The following HSPB1 variants were observed in gnomAD, a reference collection of about 807,000 sequenced individuals.
HSPB1 encodes the protein heat shock protein family B (small) member 1.
HSPB1 carries 19 observed loss-of-function variants against 17.0 expected under a neutral mutation model. That is an observed-to-expected ratio of 1.12 (90% CI 0.78 to 1.64). The LOEUF is 1.64. HSPB1 is among the 40% of genes most tolerant of loss of function. The pLI, the probability that HSPB1 is intolerant of heterozygous loss-of-function variation, is 0.00. For missense variants in HSPB1, 348 were observed against 289.2 expected, an observed-to-expected ratio of 1.20 and a Z score of -1.47; for synonymous variants, 165 against 129.8, an observed-to-expected ratio of 1.27 and a Z score of -1.84.
chr7:76,304,153 G>A lies in HSPB1; in HGVS notation c.598G>A (p.Asp200Asn), dbSNP rs147500292. The change falls in exon 3 of 3, where the codon GAT becomes AAT. Residue 200 changes from aspartate (D) to asparagine (N), a missense_variant. Physicochemically the swap from Asp to Asn is conservative, Grantham distance 23. Coordinates refer to ENST00000248553, the MANE Select transcript of HSPB1 (RefSeq NM_001540.5). ...QLGGPEAAKSDETAAK is the reference protein window; with the variant it reads ...QLGGPEAAKSNETAAK ...TGGGGGCCCAGAAGCTGCAAAATCC[G>A]ATGAGACTGCCGCCAAGTAAAGCCT... The A allele has an allele frequency of 1.4e-5, 22 of 1,611,398 alleles. No individual in the cohort carries two copies. The highest frequency in any genetic ancestry group is 1.7e-5 in the Non-Finnish European group (20 of 1,179,062).
At chr7:76,303,298 C>T in intron 1 of HSPB1, 3 of 573,950 alleles carry the variant, frequency 5.2e-6, no homozygotes, top group South Asian at 2.3e-5. Context: ...GAGGCCGAGA[C>T]GGGAGGATCG....
chr7:76,303,694 CCAGCCTGCAGTCCTG>C (rs1310351656), intron 1 of HSPB1, 93 bp from the exon 2 acceptor site: 8 of 873,686 alleles, frequency 9.2e-6, no homozygotes, highest in African/African-American at 5.0e-5. Context: ...TTAATCCCTA[CCAGCCTGCAGTCCTG>C]GCTGCTTCCA....
At position 76,302,710 on chromosome 7, in the gene HSPB1, A is replaced by C. The variant is rs2117157554; in HGVS notation, c.-3A>C. ...GCAGACGTCCAGAGCAGAGTCAGCC[A>C]GCATGACCGAGCGCCGCGTCCCCTT... On this transcript the variant is annotated 5_prime_UTR_variant, in exon 1 of 3. Coordinates refer to ENST00000248553, the MANE Select transcript of HSPB1 (RefSeq NM_001540.5). 6.2e-7 allele frequency: 1 copy of C among 1,600,960 alleles called. No individual in the cohort carries two copies. Among genetic ancestry groups the C allele is most frequent in the East Asian group, 2.2e-5 (1 of 44,858 alleles).
At chr7:76,303,132 C>CG in intron 1 of HSPB1, 56 bp downstream of exon 1, 1 of 1,488,482 alleles carries the variant, frequency 6.7e-7, no homozygotes, top group Non-Finnish European at 8.9e-7. Context: ...CGGGCAGGGC[C>CG]GGGGGCGTGC....
rs1436925794 is a variant in HSPB1, at chr7:76,302,848, T to G, written c.136T>G (p.Leu46Val). 3 of 1,597,234 alleles carry G rather than the reference T, an allele frequency of 1.9e-6. No individual in the cohort carries two copies. The highest frequency in any genetic ancestry group is 2.6e-6 in the Non-Finnish European group (3 of 1,175,540). Residue 46 changes from leucine (L) to valine (V), a missense_variant, in exon 1 of 3, where the codon TTA becomes GTA. Physicochemically the swap from Leu to Val is conservative, Grantham distance 32. Coordinates refer to ENST00000248553, the MANE Select transcript of HSPB1 (RefSeq NM_001540.5). ...PRLPEEWSQW[L>V]GGSSWPGYVR... Reference sequence around the variant, plus strand: ...GCTGCCGGAGGAGTGGTCGCAGTGGTTAGGCGGCAGCAGCTGGCCAGGCTA... The same window carrying G: ...GCTGCCGGAGGAGTGGTCGCAGTGGGTAGGCGGCAGCAGCTGGCCAGGCTA...
chr7:76,303,679 C>G (rs1310141212), intron 1 of HSPB1, 123 bp from the exon 2 acceptor site: 2 of 729,526 alleles, frequency 2.7e-6, no homozygotes, highest in East Asian at 2.7e-5. Context: ...CCCCAACCCC[C>G]TCTGTTAATC....
chr7:76,303,716 T>C, intron 1 of HSPB1, 86 bp from the exon 2 acceptor site: 1 of 1,198,294 alleles, frequency 8.3e-7, no homozygotes, highest in Admixed American at 1.7e-5. Flanking sequence ...CCTGGCTGCT[T>C]CCAAGCAGGA....
intron 1 of HSPB1, 120 bp downstream of exon 1, chr7:76,303,196 G>C: frequency 1.7e-6 from 2 of 1,202,168 alleles, no homozygotes; most frequent in South Asian, 1.5e-5. Context: ...CCCAGCACCG[G>C]GAAAAACAGG....
Position 76,302,876 on chromosome 7 carries a change from T to C in HSPB1, c.164T>C (p.Val55Ala). 1.9e-6 allele frequency: 3 copies of C among 1,569,908 alleles called. No individual in the cohort carries two copies. Among genetic ancestry groups the C allele is most frequent in the Non-Finnish European group, 2.6e-6 (3 of 1,163,294 alleles). Reference protein sequence around the residue: ...WLGGSSWPGYVRPLPPAAIES... With the variant: ...WLGGSSWPGYARPLPPAAIES... The stretch of plus-strand genomic sequence containing the variant: ...GGCGGCAGCAGCTGGCCAGGCTACG[T>C]GCGCCCCCTGCCCCCCGCCGCCATC... Residue 55 changes from valine to alanine, a missense_variant, in exon 1 of 3, where the codon GTG becomes GCG. Physicochemically the swap from Val to Ala is moderately conservative, Grantham distance 64. Transcript: ENST00000248553.
At position 76,304,118 on chromosome 7, in the gene HSPB1, G is replaced by C. The variant is rs776123049; in HGVS notation, c.563G>C (p.Arg188Pro). Reference protein sequence around the residue: ...EITIPVTFESRAQLGGPEAAK... With the variant: ...EITIPVTFESPAQLGGPEAAK... ...ACCATCCCAGTCACCTTCGAGTCGC[G>C]GGCCCAGCTTGGGGGCCCAGAAGCT... is the stretch of plus-strand genomic sequence containing the variant. The change falls in exon 3 of 3, where the codon CGG becomes CCG. Residue 188 changes from arginine (R) to proline (P), a missense_variant. Physicochemically the swap from Arg to Pro is moderately radical, Grantham distance 103. Coordinates refer to ENST00000248553, the MANE Select transcript of HSPB1 (RefSeq NM_001540.5). The C allele has an allele frequency of 6.2e-7, 1 of 1,612,952 alleles. No individual in the cohort carries two copies. Among genetic ancestry groups the C allele is most frequent in the African/African-American group, 1.3e-5 (1 of 74,970 alleles).
chr7:76,302,820 C>A lies in HSPB1; in HGVS notation c.108C>A (p.Pro36=), dbSNP rs765197724. 1.2e-6 allele frequency: 2 copies of A among 1,606,662 alleles called. No individual in the cohort carries two copies. The highest frequency in any genetic ancestry group is 1.7e-6 in the Non-Finnish European group (2 of 1,178,820). ...TCTTCGACCAGGCCTTCGGGCTGCC[C>A]CGGCTGCCGGAGGAGTGGTCGCAGT... is the stretch of plus-strand genomic sequence containing the variant. ...SRLFDQAFGL[P]RLPEEWSQWL... Residue 36 remains proline (P), a synonymous_variant, in exon 1 of 3, where the codon CCC becomes CCA. Transcript: ENST00000248553.
At position 76,304,249 on chromosome 7, in the gene HSPB1, C is replaced by T. The variant is rs931271289; in HGVS notation, c.*76C>T. On this transcript the variant is annotated 3_prime_UTR_variant, in exon 3 of 3. Transcript: ENST00000248553. ...CCGCCACCTGTGTGTTCTTTTGATA[C>T]ATTTATCTTCTGTTTTTCTCAAATA... 7 of 1,333,136 alleles carry T rather than the reference C, an allele frequency of 5.3e-6. No homozygotes were observed. The highest frequency in any genetic ancestry group is 1.8e-4 in the Middle Eastern group (1 of 5,492). 82.6% of individuals were successfully genotyped at this position (1,333,136 alleles called of 1,614,324 possible).
intron 1 of HSPB1, 115 bp downstream of exon 1, chr7:76,303,191 C>A: frequency 2.3e-6 from 3 of 1,299,630 alleles, no homozygotes; most frequent in Non-Finnish European, 3.1e-6. Flanking sequence ...GTTGGCCCAG[C>A]ACCGGGAAAA....
Position 76,303,064 on chromosome 7 carries a change from G to T in HSPB1, c.352G>T (p.Val118Leu). The change falls in exon 1 of 3, where the codon GTG (valine) becomes TTG (leucine). Residue 118 changes from valine (V) to leucine (L), a missense_variant. Val to Leu is a conservative substitution (Grantham distance 32). Coordinates refer to ENST00000248553, the MANE Select transcript of HSPB1 (RefSeq NM_001540.5). ...GACGGTCAAGACCAAGGATGGCGTGGTGGAGATCACCGGTGAGCCCCCCTG... is the reference window on the plus strand; with the variant it reads ...GACGGTCAAGACCAAGGATGGCGTGTTGGAGATCACCGGTGAGCCCCCCTG... ...ELTVKTKDGV[V>L]EITGKHEERQ... is the part of the protein sequence containing the mutation. The T allele has an allele frequency of 6.5e-7, 1 of 1,531,944 alleles. No individual in the cohort carries two copies. 94.9% of individuals were successfully genotyped at this position (1,531,944 alleles called of 1,614,324 possible).
intron 1 of HSPB1, 181 bp downstream of exon 1, chr7:76,303,257 C>T (rs1803037199): frequency 1.1e-5 from 8 of 706,072 alleles, no homozygotes; most frequent in Middle Eastern, 2.8e-4. Flanking sequence ...CTTCTAAGGG[C>T]GCTTTCTGCT....
rs1167712244 is a variant in HSPB1, at chr7:76,302,681, C to A, written c.-32C>A. On this transcript the variant is annotated 5_prime_UTR_variant, in exon 1 of 3. The change creates a new upstream start codon in the 5' untranslated region. Coordinates refer to ENST00000248553, the MANE Select transcript of HSPB1 (RefSeq NM_001540.5). ...GCCGAGCCCAGCGCCCCGCACTTTT[C>A]TGAGCAGACGTCCAGAGCAGAGTCA... The A allele has an allele frequency of 6.3e-7, 1 of 1,597,970 alleles. No individual in the cohort carries two copies. Among genetic ancestry groups the A allele is most frequent in the African/African-American group, 1.3e-5 (1 of 75,006 alleles).
chr7:76,303,324 T>A, intron 1 of HSPB1: 1 of 543,458 alleles, frequency 1.8e-6, no homozygotes, highest in Non-Finnish European at 3.2e-6. Flanking sequence ...GGCCAGGAGT[T>A]CAAGACTAGC....
chr7:76,303,021 C>T lies in HSPB1; in HGVS notation c.309C>T (p.His103=). The part of the protein sequence containing the change: ...DRWRVSLDVN[H]FAPDELTVKT... ...GGCGCGTGTCCCTGGATGTCAACCA[C>T]TTCGCCCCGGACGAGCTGACGGTCA... is the stretch of plus-strand genomic sequence containing the variant. Residue 103 remains histidine, a synonymous_variant, in exon 1 of 3, where the codon CAC becomes CAT. Coordinates refer to ENST00000248553, the MANE Select transcript of HSPB1 (RefSeq NM_001540.5). 1 of 1,542,406 alleles carries T rather than the reference C, an allele frequency of 6.5e-7. No individual in the cohort carries two copies. Among genetic ancestry groups the T allele is most frequent in the Non-Finnish European group, 8.7e-7 (1 of 1,148,684 alleles).
Position 76,302,890 on chromosome 7 carries a change from C to G in HSPB1, c.178C>G (p.Pro60Ala). The part of the protein sequence containing the change: ...SWPGYVRPLP[P>A]AAIESPAVAA... The stretch of plus-strand genomic sequence containing the variant: ...GCCAGGCTACGTGCGCCCCCTGCCC[C>G]CCGCCGCCATCGAGAGCCCCGCAGT... Residue 60 changes from proline (P) to alanine (A), a missense_variant, in exon 1 of 3, where the codon CCC (proline) becomes GCC (alanine). Physicochemically the swap from Pro to Ala is conservative, Grantham distance 27. Transcript: ENST00000248553. The G allele has an allele frequency of 6.4e-7, 1 of 1,560,542 alleles. No homozygotes were observed. Among genetic ancestry groups the G allele is most frequent in the Non-Finnish European group, 8.6e-7 (1 of 1,158,846 alleles).
Sources: gnomAD v4.1 joint callset for allele counts on GRCh38, gnomAD v4.1.1 for gene constraint, MANE v1.5 for transcripts, NCBI Gene and HGNC (gene_info 2026-07-23, HGNC 2026-07-21) for gene names.